The following SIGIRR variants were observed in gnomAD, a reference collection of about 807,000 sequenced individuals.
SIGIRR encodes single Ig and TIR domain containing, also known as single Ig IL-1-related receptor.
A neutral mutation model predicts 45.6 loss-of-function variants in SIGIRR; 41 were observed. That is an observed-to-expected ratio of 0.90 (90% CI 0.70 to 1.17). The LOEUF (loss-of-function observed/expected upper bound fraction) is 1.17, where lower values mean the gene tolerates loss of function less well. SIGIRR is among the 50% of genes most tolerant of loss of function. The probability of loss-of-function intolerance (pLI) is 0.00; values close to 1 mark genes in which losing one functional copy is unlikely to be tolerated. For synonymous variants in SIGIRR, 298 were observed against 239.0 expected, an observed-to-expected ratio of 1.25 and a Z score of -2.28; for missense variants, 599 against 539.6, an observed-to-expected ratio of 1.11 and a Z score of -1.09.
At chr11:408,347 C>T in intron 3 of SIGIRR, 141 bp from the exon 4 acceptor site, 1 of 1,148,456 alleles carries the variant, frequency 8.7e-7, no homozygotes, top group Non-Finnish European at 1.2e-6. Flanking sequence ...GAGAAGTGAC[C>T]TGAACCTGGA....
chr11:407,082 G>C lies in SIGIRR; in HGVS notation c.708C>G (p.Ala236=). The change falls in exon 7 of 10, where the codon GCC becomes GCG. Residue 236 remains alanine (A), a synonymous_variant. Coordinates refer to ENST00000431843, the MANE Select transcript of SIGIRR (RefSeq NM_001135054.2). ...VVLSDAFLSR[A]WCSHSFREGL... ...CCCACCGGAAGCTGTGGCTGCACCA[G>C]GCCCGGCTCAGGAAGGCGTCCGAAA... The C allele has an allele frequency of 1.3e-6, 2 of 1,556,084 alleles. No individual in the cohort carries two copies. The highest frequency in any genetic ancestry group is 1.7e-6 in the Non-Finnish European group (2 of 1,156,612).
rs943413918 is a variant in SIGIRR at position 406,357 on chromosome 11, C to T, written c.1061G>A (p.Gly354Asp). 6.8e-6 allele frequency: 11 copies of T among 1,612,376 alleles called. No homozygotes were observed. Among genetic ancestry groups the T allele is most frequent in the Non-Finnish European group, 9.3e-6 (11 of 1,179,706 alleles). ...GGGCTGGGCGGGCATACCCAGGTCG[C>T]CCTCAGGGTCCGGGTCCACCTCTGA... The part of the protein sequence containing the change: ...LDSEVDPDPE[G>D]DLGVRGPVFG... The change falls in exon 9 of 10, where the codon GGC (glycine) becomes GAC (aspartate). Residue 354 changes from glycine to aspartate, a missense_variant. Transcript: ENST00000431843.
At chr11:407,366 T>TGGGATTGGGC in intron 6 of SIGIRR, 59 bp downstream of exon 6, 1 of 1,221,346 alleles carries the variant, frequency 8.2e-7, no homozygotes, top group Non-Finnish European at 1.1e-6. Context: ...GGACGGAGCA[T>TGGGATTGGGC]GGGGCGGGGC....
intron 9 of SIGIRR, 24 bp from the exon 10 acceptor site, chr11:406,083 C>G: frequency 2.6e-6 from 4 of 1,551,200 alleles, no homozygotes; most frequent in Non-Finnish European, 3.5e-6. Context: ...ACCGAGACGC[C>G]TGAGGTGGCC....
At chr11:407,292 AGG>A in intron 6 of SIGIRR, 128 bp from the exon 7 acceptor site, 1 of 593,082 alleles carries the variant, frequency 1.7e-6, no homozygotes, top group Non-Finnish European at 2.4e-6. Flanking sequence ...CGGGTTTTTG[AGG>A]CGGGGCCTCG....
In SIGIRR at chr11:406,041, A is replaced by G. The variant is rs766027325; in HGVS notation, c.1088T>C (p.Phe363Ser). Residue 363 changes from phenylalanine to serine, a missense_variant, in exon 10 of 10, where the codon TTT becomes TCT. Physicochemically the swap from Phe to Ser is radical, Grantham distance 155 (BLOSUM62 -2). Transcript: ENST00000431843. ...GTGCGGTGGAGCTGATGGCTCTCCAAAGACAGGCCCCCGGACACCTGGGGT... is the reference window on the plus strand; with the variant it reads ...GTGCGGTGGAGCTGATGGCTCTCCAGAGACAGGCCCCCGGACACCTGGGGT... Reference protein sequence around the residue: ...EGDLGVRGPVFGEPSAPPHTS... With the variant: ...EGDLGVRGPVSGEPSAPPHTS... The G allele has an allele frequency of 1.3e-6, 2 of 1,595,354 alleles. No individual in the cohort carries two copies. The highest frequency in any genetic ancestry group is 1.1e-5 in the South Asian group (1 of 88,894).
Position 406,355 on chromosome 11 carries a change from C to A in SIGIRR, c.1063G>T (p.Asp355Tyr). Residue 355 changes from aspartate to tyrosine, a missense_variant, in exon 9 of 10, where the codon GAC (aspartate) becomes TAC (tyrosine). Asp to Tyr is a radical substitution (Grantham distance 160). Coordinates refer to ENST00000431843, the MANE Select transcript of SIGIRR (RefSeq NM_001135054.2). ...TGGGGCTGGGCGGGCATACCCAGGTCGCCCTCAGGGTCCGGGTCCACCTCT... is the reference window on the plus strand; with the variant it reads ...TGGGGCTGGGCGGGCATACCCAGGTAGCCCTCAGGGTCCGGGTCCACCTCT... ...DSEVDPDPEGDLGVRGPVFGE... is the reference protein window; with the variant it reads ...DSEVDPDPEGYLGVRGPVFGE... 5.6e-6 allele frequency: 9 copies of A among 1,612,316 alleles called. No homozygotes were observed. The highest frequency in any genetic ancestry group is 7.6e-6 in the Non-Finnish European group (9 of 1,179,666).
chr11:408,067 CA>C lies in SIGIRR; in HGVS notation c.340+5del. The C allele has an allele frequency of 1.2e-6, 2 of 1,612,672 alleles. No homozygotes were observed. Among genetic ancestry groups the C allele is most frequent in the Non-Finnish European group, 1.7e-6 (2 of 1,179,886 alleles). On this transcript the variant is annotated splice_donor_5th_base_variant and intron_variant, in intron 4 of 9. Coordinates refer to ENST00000431843, the MANE Select transcript of SIGIRR (RefSeq NM_001135054.2). ...TCTACCCTCCACCTTGGGGAACCCC[CA>C]TCACCAGCTCTCTGAAGAGTGAAGG...
At position 405,727 on chromosome 11, in the gene SIGIRR, AG is replaced by A. The variant is rs2133612146; in HGVS notation, c.*168del. On this transcript the variant is annotated 3_prime_UTR_variant, in exon 10 of 10. Coordinates refer to ENST00000431843, the MANE Select transcript of SIGIRR (RefSeq NM_001135054.2). ...GACCGAGGCCCCAGCAGAATCCAAAAGGACTTTATTTTCTGGCACTGGGAGG... is the reference window on the plus strand; with the variant it reads ...GACCGAGGCCCCAGCAGAATCCAAAAGACTTTATTTTCTGGCACTGGGAGG... The A allele has an allele frequency of 1.3e-6, 1 of 746,580 alleles. No individual in the cohort carries two copies. Among genetic ancestry groups the A allele is most frequent in the East Asian group, 2.8e-5 (1 of 35,828 alleles). 46.2% of individuals were successfully genotyped at this position (746,580 alleles called of 1,614,324 possible). A position where few individuals can be genotyped will look rare whatever the true frequency, so the allele number is the denominator to read the frequency against.
chr11:409,896 C>CG lies in SIGIRR; in HGVS notation c.-23dup. The CG allele has an allele frequency of 7.6e-7, 1 of 1,314,536 alleles. No homozygotes were observed. Among genetic ancestry groups the CG allele is most frequent in the Middle Eastern group, 2.2e-4 (1 of 4,480 alleles). The allele number at this position is 1,314,536 out of a possible 1,614,324, so 81.4% of individuals were successfully genotyped here. ...GCATGGCTCTGAGCCGGGGCCTCCTCGGGGCAGGCTGGGCTCCAGGGTCAC... is the reference window on the plus strand; with the variant it reads ...GCATGGCTCTGAGCCGGGGCCTCCTCGGGGGCAGGCTGGGCTCCAGGGTCAC... On this transcript the variant is annotated 5_prime_UTR_variant, in exon 2 of 10. Coordinates refer to ENST00000431843, the MANE Select transcript of SIGIRR (RefSeq NM_001135054.2).
intron 9 of SIGIRR, 66 bp from the exon 10 acceptor site, chr11:406,125 G>C (rs772614608): frequency 6.5e-7 from 1 of 1,540,542 alleles, no homozygotes; most frequent in South Asian, 1.2e-5. Context: ...CCACTGCCAG[G>C]GGCTGCCCCT....
Position 409,917 on chromosome 11 carries a change from G to A in SIGIRR, c.-43C>T, listed in dbSNP as rs1322554841. Reference sequence around the variant, plus strand: ...TCCTCGGGGCAGGCTGGGCTCCAGGGTCACCCCTGGCTCCACCGGGCTCCT... The same window carrying A: ...TCCTCGGGGCAGGCTGGGCTCCAGGATCACCCCTGGCTCCACCGGGCTCCT... On this transcript the variant is annotated 5_prime_UTR_variant, in exon 2 of 10. Transcript: ENST00000431843. 82 of 1,293,302 alleles carry A rather than the reference G, an allele frequency of 6.3e-5. No individual in the cohort carries two copies. Among genetic ancestry groups the A allele is most frequent in the East Asian group, 9.2e-5 (3 of 32,634 alleles). The allele number at this position is 1,293,302 out of a possible 1,614,324, so 80.1% of individuals were successfully genotyped here.
Position 414,899 on chromosome 11 carries a change from G to A in SIGIRR, c.-230C>T, listed in dbSNP as rs992527620. The A allele has an allele frequency of 1.0e-6, 1 of 985,238 alleles. No individual in the cohort carries two copies. Among genetic ancestry groups the A allele is most frequent in the Non-Finnish European group, 1.2e-6 (1 of 829,860 alleles). The allele number at this position is 985,238 out of a possible 1,614,324, so 61.0% of individuals were successfully genotyped here. On this transcript the variant is annotated 5_prime_UTR_variant, in exon 1 of 10. Coordinates refer to ENST00000431843, the MANE Select transcript of SIGIRR (RefSeq NM_001135054.2). ...TTGGGAGCAAACTCTCCCCTTCGCT[G>A]GGCCCCAGGGAGTGTCCACAGCACC...
Position 407,557 on chromosome 11 carries a change from A to T in SIGIRR, c.493T>A (p.Tyr165Asn). The change falls in exon 6 of 10, where the codon TAC becomes AAC. Residue 165 changes from tyrosine to asparagine, a missense_variant. Tyr to Asn is a moderately radical substitution (Grantham distance 143, BLOSUM62 -2). Coordinates refer to ENST00000431843, the MANE Select transcript of SIGIRR (RefSeq NM_001135054.2). The stretch of plus-strand genomic sequence containing the variant: ...TCGCTGTAGGAGACGTAGGCGTCGT[A>T]GAGCTTCCCGTCTGCGGACGGCGGC... ...GEVEINDGKLYDAYVSYSDCP... is the reference protein window; with the variant it reads ...GEVEINDGKLNDAYVSYSDCP... The T allele has an allele frequency of 6.2e-7, 1 of 1,608,190 alleles. No individual in the cohort carries two copies. The highest frequency in any genetic ancestry group is 1.1e-5 in the South Asian group (1 of 90,638).
chr11:416,931 A>T (rs1030041612), upstream of SIGIRR, among the ~76,000 whole-genome samples: 6 of 151,332 alleles, frequency 4.0e-5, no homozygotes, highest in Admixed American at 6.6e-5. This position sits in a 1 kb window ranked among gnomAD's most constrained non-coding sequence, Gnocchi z 9.1. Flanking sequence ...CCCCAGCCTG[A>T]CTCTTGGTCC....
intron 3 of SIGIRR, 39 bp downstream of exon 3, chr11:408,656 T>G (rs371758864): frequency 1.5e-5 from 24 of 1,608,324 alleles, no homozygotes; most frequent in South Asian, 2.2e-5. Flanking sequence ...TTGGCATGTC[T>G]GAGAGGTCAC....
rs1381313795 is a variant in SIGIRR at position 405,761 on chromosome 11, A to C, written c.*135T>G. The C allele has an allele frequency of 2.7e-6, 3 of 1,106,806 alleles. No individual in the cohort carries two copies. The highest frequency in any genetic ancestry group is 5.1e-5 in the East Asian group (2 of 39,238). 68.6% of individuals were successfully genotyped at this position (1,106,806 alleles called of 1,614,324 possible). ...TTTTCTGGCACTGGGAGGCGCCCTG[A>C]GGCCACAGCCTTTTCCCAGGGCTGC... On this transcript the variant is annotated 3_prime_UTR_variant, in exon 10 of 10. Transcript: ENST00000431843.
intron 2 of SIGIRR, chr11:409,357 G>A: frequency 3.4e-6 from 1 of 297,558 alleles, no homozygotes; most frequent in Non-Finnish European, 6.6e-6. Flanking sequence ...GATGCCCAGT[G>A]TGCCAGCACC....
In SIGIRR at chr11:407,524, C is replaced by T. The variant is rs774838659; in HGVS notation, c.526G>A (p.Glu176Lys). 1.2e-6 allele frequency: 2 copies of T among 1,608,824 alleles called. No individual in the cohort carries two copies. The highest frequency in any genetic ancestry group is 2.2e-5 in the East Asian group (1 of 44,690). Residue 176 changes from glutamate (E) to lysine (K), a missense_variant, in exon 6 of 10, where the codon GAG becomes AAG. By Grantham distance (56) the Glu-to-Lys change is moderately conservative (BLOSUM62 1). Coordinates refer to ENST00000431843, the MANE Select transcript of SIGIRR (RefSeq NM_001135054.2). ...ATGAAGTTCACGAACTTGCGGTCCT[C>T]GGGGCAGTCGCTGTAGGAGACGTAG... ...DAYVSYSDCP[E>K]DRKFVNFILK...
Sources: allele counts gnomAD v4.1 joint callset (sites outside exome capture counted in the v4.1 genomes callset), GRCh38; gene constraint gnomAD v4.1.1; non-coding constraint Gnocchi (gnomAD v3.1); transcripts MANE v1.5; gene names NCBI Gene and HGNC (gene_info 2026-07-23, HGNC 2026-07-21).